Variants in NBEAL1 observed in about 807,000 individuals in gnomAD.
NBEAL1 encodes neurobeachin-like protein 1.
In NBEAL1, 273 loss-of-function variants were observed where a neutral mutation model predicts 351.3. The observed-to-expected ratio is 0.78, with a 90% confidence interval of 0.70 to 0.86. The LOEUF is 0.86. NBEAL1 is among the 40% of genes least tolerant of loss of function. The pLI, the probability that NBEAL1 is intolerant of heterozygous loss-of-function variation, is 0.00. For missense variants in NBEAL1, 2,961 were observed against 3,201.3 expected (o/e 0.92, Z 1.81); for synonymous variants, 1,050 against 1,086.4 (o/e 0.97, Z 0.66).
intron 2 of NBEAL1, among the ~76,000 whole-genome samples, chr2:203,021,688 G>A (rs2060774524): frequency 6.6e-6 from 1 of 152,016 alleles, no homozygotes; most frequent in African/African-American, 2.4e-5. Context: ...AAGAGAGATG[G>A]TGCTGAGAAC....
chr2:203,119,394 C>T (rs72934551), intron 18 of NBEAL1, among the ~76,000 whole-genome samples: 13,330 of 142,070 alleles, frequency 0.094, 728 homozygotes, highest in Non-Finnish European at 0.13. Flanking sequence ...GCTAAGATTA[C>T]AGGCGTGAGC....
At chr2:203,133,452 T>A (rs1411144606) in intron 27 of NBEAL1, among the ~76,000 whole-genome samples, 1 of 152,050 alleles carries the variant, frequency 6.6e-6, no homozygotes, top group African/African-American at 2.4e-5. Flanking sequence ...CTAATTAATA[T>A]ACCATATTAT....
At chr2:203,142,159 T>C (rs1264070532) in intron 31 of NBEAL1, among the ~76,000 whole-genome samples, 8 of 151,318 alleles carry the variant, frequency 5.3e-5, no homozygotes, top group Non-Finnish European at 1.0e-4. Flanking sequence ...GGCATCAGTA[T>C]TTTTTTTTGT....
chr2:203,201,682 G>A lies in NBEAL1; in HGVS notation c.7378G>A (p.Gly2460Ser). The change falls in exon 50 of 56, where the codon GGC becomes AGC. Residue 2460 changes from glycine to serine, a missense_variant. Transcript: ENST00000683969. ...CATTCAAGTGATGTCACTTACAAAAGGCAAAATTATCTCACACATCATCCG... is the reference window on the plus strand; with the variant it reads ...CATTCAAGTGATGTCACTTACAAAAAGCAAAATTATCTCACACATCATCCG... Reference protein sequence around the residue: ...NSIQVMSLTKGKIISHIIRHM... With the variant: ...NSIQVMSLTKSKIISHIIRHM... 2 of 1,606,572 alleles carry A rather than the reference G, an allele frequency of 1.2e-6. No individual in the cohort carries two copies. Among genetic ancestry groups the A allele is most frequent in the Non-Finnish European group, 1.7e-6 (2 of 1,175,930 alleles).
At chr2:203,095,695 T>G (rs1300926870) in intron 10 of NBEAL1, among the ~76,000 whole-genome samples, 1 of 152,234 alleles carries the variant, frequency 6.6e-6, no homozygotes, top group African/African-American at 2.4e-5. Flanking sequence ...TTGTTTCCCT[T>G]GACCTAAATA....
At chr2:203,096,598 G>A (rs900203135) in intron 10 of NBEAL1, among the ~76,000 whole-genome samples, 2 of 152,140 alleles carry the variant, frequency 1.3e-5, no homozygotes, top group Non-Finnish European at 2.9e-5. Context: ...AGAGGGTAAT[G>A]CCCATGTATG....
chr2:203,038,108 T>C (rs1384819203), intron 2 of NBEAL1, among the ~76,000 whole-genome samples: 1 of 149,496 alleles, frequency 6.7e-6, no homozygotes, highest in Non-Finnish European at 1.5e-5. Flanking sequence ...AGTATTCCAT[T>C]GTACGAATGT....
In NBEAL1 at chr2:203,138,587, T is replaced by G. The variant is rs1375512423; in HGVS notation, c.4720-33T>G. ...CATCAGTAAATTGAAAAACTGAATGTTTTTATTTCTCAATTTTTTTCCTTT... is the reference window on the plus strand; with the variant it reads ...CATCAGTAAATTGAAAAACTGAATGGTTTTATTTCTCAATTTTTTTCCTTT... On this transcript the variant is annotated intron_variant, in intron 30 of 55. Transcript: ENST00000683969. The G allele has an allele frequency of 6.4e-6, 10 of 1,558,970 alleles. No homozygotes were observed. In the South Asian group the frequency reaches 1.1e-4, roughly 17 times the overall value.
intron 3 of NBEAL1, among the ~76,000 whole-genome samples, chr2:203,048,389 A>G (rs2061266636): frequency 1.3e-5 from 2 of 151,966 alleles, no homozygotes; most frequent in African/African-American, 4.8e-5. Context: ...TCAAAAAAAA[A>G]AAAAAAAAAA....
At chr2:203,073,499 T>A (rs1196129836) in intron 7 of NBEAL1, among the ~76,000 whole-genome samples, 2 of 152,116 alleles carry the variant, frequency 1.3e-5, no homozygotes, top group African/African-American at 2.4e-5. Context: ...TTAAATTATA[T>A]TGATCCTGGC....
At chr2:203,116,815 GC>G (rs2062711124) in intron 18 of NBEAL1, among the ~76,000 whole-genome samples, 2 of 150,304 alleles carry the variant, frequency 1.3e-5, no homozygotes, top group African/African-American at 2.5e-5. Context: ...AAAGGGGGGG[GC>G]CCAGCACAGT....
In NBEAL1 at chr2:203,190,404, T is replaced by C; in HGVS notation, c.6921+15T>C. ...AATTATTAAAGGTAAGTCAACAACT[T>C]AAGAAGTAGATTTAAGTCAACTTAA... On this transcript the variant is annotated intron_variant, in intron 46 of 55. Transcript: ENST00000683969. 6.4e-7 allele frequency: 1 copy of C among 1,553,018 alleles called. No homozygotes were observed. Among genetic ancestry groups the C allele is most frequent in the Non-Finnish European group, 8.8e-7 (1 of 1,134,764 alleles).
At chr2:203,164,112 CTATTA>C (rs908003863) in intron 36 of NBEAL1, among the ~76,000 whole-genome samples, 6 of 151,088 alleles carry the variant, frequency 4.0e-5, no homozygotes, top group African/African-American at 7.3e-5. Context: ...TAGATTATAC[CTATTA>C]TATTAATACA....
chr2:203,025,415 A>C (rs1007282454), intron 2 of NBEAL1, among the ~76,000 whole-genome samples: 1 of 152,228 alleles, frequency 6.6e-6, no homozygotes, highest in Admixed American at 6.5e-5. Context: ...AGTTTTAGAA[A>C]CAAGTCTTGA....
chr2:203,221,176 TTAA>T lies in NBEAL1; in HGVS notation c.*3824_*3826del, dbSNP rs1189390219. On this transcript the variant is annotated 3_prime_UTR_variant, in exon 56 of 56. Coordinates refer to ENST00000683969, the MANE Select transcript of NBEAL1 (RefSeq NM_001378026.1). ...GTTAACTTGGATACCAGATTTTTAT[TTAA>T]TGATGATAGAGATATGACCTTTGCC... Among the ~76,000 whole-genome samples, 2 of 152,002 alleles carry T rather than the reference TTAA, an allele frequency of 1.3e-5. No individual in the cohort carries two copies. Among genetic ancestry groups the T allele is most frequent in the Non-Finnish European group, 2.9e-5 (2 of 67,976 alleles).
rs1034744208 is a variant in NBEAL1 at position 203,151,381 on chromosome 2, G to T, written c.5463-84G>T. 11 of 988,734 alleles carry T rather than the reference G, an allele frequency of 1.1e-5. No individual in the cohort carries two copies. In the African/African-American group the frequency reaches 1.5e-4, roughly 14 times the overall value. The allele number at this position is 988,734 out of a possible 1,614,324, so 61.2% of individuals were successfully genotyped here. A position where few individuals can be genotyped will look rare whatever the true frequency, so the allele number is the denominator to read the frequency against. On this transcript the variant is annotated intron_variant, in intron 34 of 55. Coordinates refer to ENST00000683969, the MANE Select transcript of NBEAL1 (RefSeq NM_001378026.1). ...GGTACTAAACAAATGTAAAATACTT[G>T]ATACTTTTTTACATTATTTAAATCA...
chr2:203,146,701 G>A (rs1418692020), intron 33 of NBEAL1, among the ~76,000 whole-genome samples: 6 of 152,118 alleles, frequency 3.9e-5, no homozygotes, highest in Non-Finnish European at 8.8e-5. Flanking sequence ...GCTGATGTGG[G>A]AGGAACACTC....
At chr2:203,179,786 CT>C (rs904599063) in intron 42 of NBEAL1, among the ~76,000 whole-genome samples, 105 of 148,320 alleles carry the variant, frequency 7.1e-4, no homozygotes, top group African/African-American at 2.3e-3. Flanking sequence ...GCAAAAATGC[CT>C]TTTTTTTTTG....
intron 9 of NBEAL1, 53 bp downstream of exon 9, chr2:203,083,578 C>A: frequency 1.5e-6 from 2 of 1,337,970 alleles, no homozygotes; most frequent in Non-Finnish European, 2.0e-6. Context: ...ATTTTCATAT[C>A]TACCACTTTC....
Sources: allele counts gnomAD v4.1 joint callset (sites outside exome capture counted in the v4.1 genomes callset), GRCh38; gene constraint gnomAD v4.1.1; transcripts MANE v1.5; gene names NCBI Gene and HGNC (gene_info 2026-07-23, HGNC 2026-07-21).